USP49: variants seen among roughly 807,000 people sequenced by gnomAD.
The protein encoded by USP49 is ubiquitin carboxyl-terminal hydrolase 49.
A neutral mutation model predicts 58.6 loss-of-function variants in USP49; 24 were observed. The ratio of observed to expected loss-of-function variants is 0.41; its 90% confidence interval spans 0.30 to 0.58. The LOEUF is 0.58. Ranked by LOEUF, USP49 falls within the 20% of genes least tolerant of loss-of-function variation. The probability of loss-of-function intolerance (pLI) is 0.30; values close to 1 mark genes in which losing one functional copy is unlikely to be tolerated. For synonymous variants in USP49, 408 were observed against 365.1 expected (o/e 1.12, Z -1.34); for missense variants, 703 against 866.1 (o/e 0.81, Z 2.36).
At chr6:41,872,420 G>A (rs777786917) in intron 2 of USP49, among the ~76,000 whole-genome samples, 3 of 152,156 alleles carry the variant, frequency 2.0e-5, no homozygotes, top group Admixed American at 1.3e-4. Context: ...CCTGGCCGCC[G>A]CCCCGTCTGG....
At chr6:41,892,393 A>C (rs1405662738) in intron 1 of USP49, among the ~76,000 whole-genome samples, 2 of 152,350 alleles carry the variant, frequency 1.3e-5, no homozygotes, top group Middle Eastern at 3.4e-3. Flanking sequence ...CACTGAAACA[A>C]GTGCCTCATA....
intron 2 of USP49, among the ~76,000 whole-genome samples, chr6:41,872,064 CTT>C (rs1184979254): frequency 6.6e-6 from 1 of 152,242 alleles, no homozygotes; most frequent in African/African-American, 2.4e-5. Context: ...GGTGGTGACT[CTT>C]TTGTGCTAAG....
intron 3 of USP49, among the ~76,000 whole-genome samples, chr6:41,829,144 T>C (rs1019231286): frequency 9.2e-5 from 14 of 152,210 alleles, no homozygotes; most frequent in Admixed American, 7.2e-4. Flanking sequence ...AGGAATGTGA[T>C]TGATTTCTGT....
At chr6:41,844,143 C>T (rs1773878333) in intron 3 of USP49, among the ~76,000 whole-genome samples, 1 of 152,036 alleles carries the variant, frequency 6.6e-6, no homozygotes, top group Admixed American at 6.6e-5. Flanking sequence ...ACCGCTTAAA[C>T]TCAGGAGGCG....
rs571000427 is a variant in USP49 at position 41,869,080 on chromosome 6, CT to C, written c.-29+2483del. 9.1e-3 allele frequency among the ~76,000 whole-genome samples: 1,251 copies of C among 137,756 alleles called. 1 individual carries two copies. The highest frequency in any genetic ancestry group is 0.015 in the African/African-American group (553 of 37,742). The allele number at this position is 137,756 out of a possible 152,430, so 90.4% of individuals were successfully genotyped here. On this transcript the variant is annotated intron_variant, in intron 3 of 7. Transcript: ENST00000682992. ...CATCTGGCCTGTTTCTGTTCTTAGTCTTTTTTTTTTTTTTTTTAATTTTAAC... is the reference window on the plus strand; with the variant it reads ...CATCTGGCCTGTTTCTGTTCTTAGTCTTTTTTTTTTTTTTTTAATTTTAAC...
intron 3 of USP49, among the ~76,000 whole-genome samples, chr6:41,810,819 A>G (rs1453943811): frequency 6.6e-6 from 1 of 152,056 alleles, no homozygotes; most frequent in African/African-American, 2.4e-5. Flanking sequence ...TCAGCCTCCC[A>G]AAGTGCTGGG....
chr6:41,886,904 A>C (rs1235382456), intron 2 of USP49, among the ~76,000 whole-genome samples: 1 of 152,210 alleles, frequency 6.6e-6, no homozygotes, highest in East Asian at 1.9e-4. Flanking sequence ...ATCTCAAAAA[A>C]AGTTGATAAA....
chr6:41,802,428 T>TTTTATTTTATTTTATTTTATTTATTTA (rs10688447), intron 5 of USP49, among the ~76,000 whole-genome samples: 58 of 106,424 alleles, frequency 5.4e-4, no homozygotes, highest in Non-Finnish European at 8.4e-4. Context: ...TTTTATTTTA[T>TTTTATTTTATTTTATTTTATTTATTTA]TTTATTTATT....
chr6:41,804,745 T>G (rs1773078557), intron 4 of USP49, among the ~76,000 whole-genome samples: 1 of 152,046 alleles, frequency 6.6e-6, no homozygotes, highest in Non-Finnish European at 1.5e-5. Flanking sequence ...CCACGTTTTT[T>G]TGTTTGTTTT....
chr6:41,880,010 TAAATG>T (rs1774575375), intron 2 of USP49, among the ~76,000 whole-genome samples: 2 of 151,956 alleles, frequency 1.3e-5, no homozygotes, highest in South Asian at 4.2e-4. Flanking sequence ...AAGATCAAAA[TAAATG>T]AAATGAACAA....
intron 2 of USP49, among the ~76,000 whole-genome samples, chr6:41,891,082 A>G (rs1024804013): frequency 7.9e-5 from 12 of 152,334 alleles, no homozygotes; most frequent in African/African-American, 2.6e-4. Flanking sequence ...GGAACTGGAT[A>G]AAAGGTTAGT....
At chr6:41,813,868 C>T (rs561611475) in intron 3 of USP49, among the ~76,000 whole-genome samples, 1 of 152,328 alleles carries the variant, frequency 6.6e-6, no homozygotes, top group Non-Finnish European at 1.5e-5. Flanking sequence ...GAGAATACCA[C>T]CTCAGGTATA....
chr6:41,872,192 T>C (rs540608604), intron 2 of USP49, among the ~76,000 whole-genome samples: 2 of 152,336 alleles, frequency 1.3e-5, no homozygotes, highest in Admixed American at 6.5e-5. Context: ...ACAAATTATA[T>C]GTATAAGCAT....
At chr6:41,839,404 C>CAAAAAAAAAAAA (rs538220746) in intron 3 of USP49, among the ~76,000 whole-genome samples, 3 of 22,258 alleles carry the variant, frequency 1.3e-4, no homozygotes, top group African/African-American at 1.4e-4. Flanking sequence ...GGCCTTGTCT[C>CAAAAAAAAAAAA]AAAAAAAAAA....
rs1162058711 is a variant in USP49, at chr6:41,851,993, A to C, written c.-29+19571T>G. 2.7e-5 allele frequency among the ~76,000 whole-genome samples: 4 copies of C among 149,388 alleles called. No individual in the cohort carries two copies. The East Asian group carries it at 8.0e-4, about 30-fold the overall frequency. On this transcript the variant is annotated intron_variant, in intron 3 of 7. Coordinates refer to ENST00000682992, the MANE Select transcript of USP49 (RefSeq NM_001286554.2). ...AAAAAAAAAGAAAGAAAAGAAGTAA[A>C]TTTATCTGTTCTCAGATAACATGAT...
Position 41,803,441 on chromosome 6 carries a change from T to C in USP49, c.1561+365A>G, listed in dbSNP as rs928279131. Among the ~76,000 whole-genome samples the C allele has an allele frequency of 6.6e-6, 1 of 152,164 alleles. No homozygotes were observed. The highest frequency in any genetic ancestry group is 1.5e-5 in the Non-Finnish European group (1 of 68,036). On this transcript the variant is annotated intron_variant, in intron 5 of 7. Transcript: ENST00000682992. This position sits in a 1 kb window ranked among gnomAD's most constrained non-coding sequence, Gnocchi z 4.1. ...GCCTCAGCCTCCCGAGTAGCTGGGA[T>C]TACAGGCATCTGCCACTATGCCCAG...
Position 41,803,678 on chromosome 6 carries a change from T to G in USP49, c.1561+128A>C. 9.6e-7 allele frequency: 1 copy of G among 1,044,292 alleles called. No homozygotes were observed. The highest frequency in any genetic ancestry group is 1.4e-6 in the Non-Finnish European group (1 of 719,294). 64.7% of individuals were successfully genotyped at this position (1,044,292 alleles called of 1,614,324 possible). ...TTAGAAAAATGGGAGAAAAAGATCT[T>G]TAAAAGATGCTTTAGAACCATTCAA... On this transcript the variant is annotated intron_variant, in intron 5 of 7. Coordinates refer to ENST00000682992, the MANE Select transcript of USP49 (RefSeq NM_001286554.2). The surrounding 1 kb of genome is among the most constrained non-coding windows in gnomAD (Gnocchi z 4.1).
At chr6:41,878,284 T>C (rs1466485916) in intron 2 of USP49, among the ~76,000 whole-genome samples, 1 of 152,192 alleles carries the variant, frequency 6.6e-6, no homozygotes, top group East Asian at 1.9e-4. Context: ...ATCATTCAGG[T>C]AGAATTCAAG....
intron 3 of USP49, among the ~76,000 whole-genome samples, chr6:41,830,390 G>C (rs1229705562): frequency 1.3e-5 from 2 of 152,126 alleles, no homozygotes; most frequent in Non-Finnish European, 2.9e-5. Context: ...TCCAAGTCTT[G>C]GGAAATTATG....
Sources: gnomAD v4.1 joint callset for allele counts (sites outside exome capture counted in the v4.1 genomes callset) on GRCh38, gnomAD v4.1.1 for gene constraint, Gnocchi (gnomAD v3.1) non-coding constraint, MANE v1.5 for transcripts, NCBI Gene and HGNC (gene_info 2026-07-23, HGNC 2026-07-21) for gene names.